The following BNC1 variants were observed in gnomAD, a reference collection of about 807,000 sequenced individuals.
BNC1 encodes basonuclin zinc finger protein 1.
BNC1 carries 8 observed loss-of-function variants against 66.5 expected under a neutral mutation model. The observed-to-expected ratio is 0.12, with a 90% CI of 0.07 to 0.22. The LOEUF (loss-of-function observed/expected upper bound fraction) is 0.22. Ranked by LOEUF, BNC1 falls within the 10% of genes least tolerant of loss-of-function variation. BNC1 has a pLI of 1.00. For synonymous variants in BNC1, 454 were observed against 452.6 expected (o/e 1.00, Z -0.04); for missense variants, 1,069 against 1,241.3 (o/e 0.86, Z 2.09).
chr15:83,264,964 C>G, intron 3 of BNC1, 149 bp from the exon 4 acceptor site: 1 of 748,514 alleles, frequency 1.3e-6, no homozygotes, highest in Non-Finnish European at 2.1e-6. Flanking sequence ...CCCTGCTCAC[C>G]CTACTCTCCC....
chr15:83,277,069 A>G (rs2038330384), intron 1 of BNC1, among the ~76,000 whole-genome samples: 1 of 152,176 alleles, frequency 6.6e-6, no homozygotes, highest in Non-Finnish European at 1.5e-5. Flanking sequence ...CAAGTTTACA[A>G]TAAAAATGCT....
intron 1 of BNC1, among the ~76,000 whole-genome samples, chr15:83,281,128 T>G (rs2038374554): frequency 6.6e-6 from 1 of 152,220 alleles, no homozygotes. Flanking sequence ...CCCACCCTCT[T>G]CGGCTGAAAT....
At chr15:83,283,127 CACTT>C in intron 1 of BNC1, 1 of 1,535,560 alleles carries the variant, frequency 6.5e-7, no homozygotes, top group Non-Finnish European at 8.7e-7. Flanking sequence ...GATGGCATTC[CACTT>C]AACTGTCAGA....
At chr15:83,284,401 G>A (rs1316638750) in intron 1 of BNC1, 129 bp downstream of exon 1, 20 of 533,930 alleles carry the variant, frequency 3.7e-5, no homozygotes, top group Non-Finnish European at 4.9e-5. Context: ...CCGCGCTGCC[G>A]CGCAGGTAGC....
Position 83,280,760 on chromosome 15 carries a change from T to C in BNC1, c.99+3770A>G, listed in dbSNP as rs185145576. Among the ~76,000 whole-genome samples the C allele has an allele frequency of 1.4e-4, 21 of 152,280 alleles. No homozygotes were observed. In the East Asian group the frequency reaches 4.0e-3, roughly 29 times the overall value. On this transcript the variant is annotated intron_variant, in intron 1 of 4. Transcript: ENST00000345382. ...CTAGAAAAGAAATTTGAGGTTTGAG[T>C]ATTTGGTAGGATCACACAAATAATC...
chr15:83,284,614 C>A lies in BNC1; in HGVS notation c.15G>T (p.Pro5=), dbSNP rs111819383. 1 of 1,000,208 alleles carries A rather than the reference C, an allele frequency of 1.0e-6. No individual in the cohort carries two copies. 62.0% of individuals were successfully genotyped at this position (1,000,208 alleles called of 1,614,324 possible). Residue 5 remains proline (P), a synonymous_variant, in exon 1 of 5, where the codon CCG becomes CCT. Transcript: ENST00000345382. The part of the protein sequence containing the change: MRRR[P]PSRGGRGAAR... ...CCGCCCCGCGTCCGCCCCGGCTCGG[C>A]GGGCGCCGCCGCATCCACGCTCCGG...
Position 83,270,188 on chromosome 15 carries a change from T to A in BNC1, c.100-1956A>T, listed in dbSNP as rs2038256252. On this transcript the variant is annotated intron_variant, in intron 1 of 4. Coordinates refer to ENST00000345382, the MANE Select transcript of BNC1 (RefSeq NM_001717.4). Reference sequence around the variant, plus strand: ...GCTTTATCGAGATACAATTCACACATACCATATAACTCACCCATTTAAGGT... The same window carrying A: ...GCTTTATCGAGATACAATTCACACAAACCATATAACTCACCCATTTAAGGT... 3.9e-5 allele frequency among the ~76,000 whole-genome samples: 6 copies of A among 152,216 alleles called. No homozygotes were observed. The South Asian group carries it at 1.2e-3, about 32-fold the overall frequency.
chr15:83,277,443 G>A (rs1376723941), intron 1 of BNC1, among the ~76,000 whole-genome samples: 5 of 152,004 alleles, frequency 3.3e-5, no homozygotes, highest in Non-Finnish European at 7.4e-5. Flanking sequence ...CTGAGTAGCT[G>A]GGACTACAGA....
rs2038195684 is a variant in BNC1 at position 83,264,639 on chromosome 15, G to C, written c.612C>G (p.Ile204Met). 2 of 1,614,160 alleles carry C rather than the reference G, an allele frequency of 1.2e-6. No individual in the cohort carries two copies. Among genetic ancestry groups the C allele is most frequent in the East Asian group, 4.5e-5 (2 of 44,882 alleles). Residue 204 changes from isoleucine to methionine, a missense_variant, in exon 4 of 5, where the codon ATC becomes ATG. Coordinates refer to ENST00000345382, the MANE Select transcript of BNC1 (RefSeq NM_001717.4). The part of the protein sequence containing the change: ...IIPPSTANVD[I>M]RAFIESCSHR... The stretch of plus-strand genomic sequence containing the variant: ...GACTGCAGCTCTCGATGAAAGCCCT[G>C]ATATCTACATTTGCTGTGGAAGGTG...
chr15:83,271,071 T>C (rs1385669774), intron 1 of BNC1, among the ~76,000 whole-genome samples: 1 of 151,416 alleles, frequency 6.6e-6, no homozygotes, highest in East Asian at 1.9e-4. Flanking sequence ...AGGTCAGGAG[T>C]TCAAGACCAG....
intron 1 of BNC1, among the ~76,000 whole-genome samples, chr15:83,277,902 T>C (rs1287334782): frequency 6.6e-6 from 1 of 152,216 alleles, no homozygotes; most frequent in African/African-American, 2.4e-5. Context: ...CTGCACTTCT[T>C]ACTTTCCTTA....
rs1406405770 is a variant in BNC1 at position 83,257,544 on chromosome 15, T to C, written c.2883A>G (p.Pro961=). The change falls in exon 5 of 5, where the codon CCA becomes CCG. Residue 961 remains proline (P), a synonymous_variant. Transcript: ENST00000345382. ...HLRQLHKCKV[P]GCNTMFSSVR... is the part of the protein sequence containing the mutation. ...CAGACGAAAACATGGTGTTGCAGCCTGGTACTTTGCATTTGTGGAGCTGCC... is the reference window on the plus strand; with the variant it reads ...CAGACGAAAACATGGTGTTGCAGCCCGGTACTTTGCATTTGTGGAGCTGCC... 6.2e-7 allele frequency: 1 copy of C among 1,614,168 alleles called. No homozygotes were observed. Among genetic ancestry groups the C allele is most frequent in the South Asian group, 1.1e-5 (1 of 91,076 alleles).
chr15:83,270,642 T>C (rs1339737137), intron 1 of BNC1, among the ~76,000 whole-genome samples: 1 of 152,244 alleles, frequency 6.6e-6, no homozygotes, highest in Non-Finnish European at 1.5e-5. Flanking sequence ...CCTGGAGACA[T>C]GTCTCTTCAG....
chr15:83,283,463 G>A, intron 1 of BNC1: 1 of 1,209,488 alleles, frequency 8.3e-7, no homozygotes, highest in Non-Finnish European at 1.0e-6. Context: ...CCGACGGGGC[G>A]CTCCCGAGAC....
intron 1 of BNC1, among the ~76,000 whole-genome samples, chr15:83,270,592 A>C (rs1008201812): frequency 3.9e-5 from 6 of 152,162 alleles, no homozygotes; most frequent in African/African-American, 1.4e-4. Flanking sequence ...AATGGTGCTC[A>C]GCATCTCTTC....
At chr15:83,283,800 C>T (rs2038410690) in intron 1 of BNC1, among the ~76,000 whole-genome samples, 2 of 152,242 alleles carry the variant, frequency 1.3e-5, no homozygotes, top group African/African-American at 4.8e-5. Flanking sequence ...CAAATCTGCC[C>T]CGCACACGGT....
intron 1 of BNC1, among the ~76,000 whole-genome samples, chr15:83,277,697 A>C (rs2151439862): frequency 6.6e-6 from 1 of 152,218 alleles, no homozygotes; most frequent in East Asian, 1.9e-4. Context: ...GGACACATAA[A>C]ACAAGACATC....
intron 4 of BNC1, among the ~76,000 whole-genome samples, chr15:83,258,511 C>T (rs1236387488): frequency 3.9e-5 from 6 of 152,170 alleles, no homozygotes; most frequent in Non-Finnish European, 5.9e-5. Context: ...GGTGCCCTCC[C>T]ATGTGCCCAC....
At chr15:83,272,394 C>CTTTTTTTTTTTTTTTTTTTTTTT (rs750429207) in intron 1 of BNC1, among the ~76,000 whole-genome samples, 4 of 122,700 alleles carry the variant, frequency 3.3e-5, no homozygotes, top group East Asian at 4.4e-4. Context: ...CCACACCTGG[C>CTTTTTTTTTTTTTTTTTTTTTTT]TTTTTTTTTT....
Sources: gnomAD v4.1 joint callset for allele counts (sites outside exome capture counted in the v4.1 genomes callset) on GRCh38, gnomAD v4.1.1 for gene constraint, MANE v1.5 for transcripts, NCBI Gene and HGNC (gene_info 2026-07-23, HGNC 2026-07-21) for gene names.